Variants in RBFOX1 observed in about 807,000 individuals in gnomAD.
RBFOX1 encodes RNA binding protein fox-1 homolog 1.
Under a neutral mutation model 57.7 loss-of-function variants are expected in RBFOX1, and 8 were observed. The observed-to-expected ratio is 0.14, with a 90% CI of 0.08 to 0.25. The LOEUF (loss-of-function observed/expected upper bound fraction) is 0.25, where lower values mean the gene tolerates loss of function less well. Ranked by LOEUF, RBFOX1 falls within the 10% of genes least tolerant of loss-of-function variation. The probability of loss-of-function intolerance (pLI) is 1.00; values close to 1 mark genes in which losing one functional copy is unlikely to be tolerated. For synonymous variants in RBFOX1, 326 were observed against 222.4 expected (o/e 1.47, Z -4.15); for missense variants, 611 against 548.5 (o/e 1.11, Z -1.14).
chr16:6,161,899 T>C (rs1165274872), intron 1 of RBFOX1, among the ~76,000 whole-genome samples: 1 of 152,190 alleles, frequency 6.6e-6, no homozygotes. Flanking sequence ...GGTGTCAGAG[T>C]ACATGCTTTC....
chr16:5,661,881 G>A (rs578096647), intron 3 of RBFOX1, among the ~76,000 whole-genome samples: 1 of 152,154 alleles, frequency 6.6e-6, no homozygotes, highest in African/African-American at 2.4e-5. Context: ...CACCTCCTGG[G>A]GTCAAGCGAT....
intron 2 of RBFOX1, among the ~76,000 whole-genome samples, chr16:6,337,175 C>T (rs1386726877): frequency 6.6e-6 from 1 of 152,126 alleles, no homozygotes; most frequent in Non-Finnish European, 1.5e-5. Flanking sequence ...GAAATCCACC[C>T]ACCATGTGGC....
intron 1 of RBFOX1, among the ~76,000 whole-genome samples, chr16:5,292,147 G>C (rs2063550930): frequency 6.6e-6 from 1 of 152,164 alleles, no homozygotes; most frequent in African/African-American, 2.4e-5. Flanking sequence ...AAATTAATCT[G>C]CATTGCTGGG....
intron 4 of RBFOX1, among the ~76,000 whole-genome samples, chr16:7,236,315 T>C (rs1397121325): frequency 2.0e-5 from 3 of 152,190 alleles, no homozygotes; most frequent in Non-Finnish European, 2.9e-5. Context: ...TCAGCTCAAG[T>C]TAGGGAGAGA....
At chr16:6,230,223 C>G (rs1339966998) in intron 1 of RBFOX1, among the ~76,000 whole-genome samples, 2 of 152,060 alleles carry the variant, frequency 1.3e-5, no homozygotes, top group Non-Finnish European at 2.9e-5. Context: ...ATGAGTTGAT[C>G]TTTTAATTTT....
chr16:7,501,882 G>C (rs2071012130), intron 4 of RBFOX1, among the ~76,000 whole-genome samples: 2 of 152,144 alleles, frequency 1.3e-5, no homozygotes, highest in South Asian at 2.1e-4. Flanking sequence ...TGTAGCTATA[G>C]AGGTACCTGG....
intron 3 of RBFOX1, among the ~76,000 whole-genome samples, chr16:6,932,635 C>G (rs545608337): frequency 1.3e-5 from 2 of 152,158 alleles, no homozygotes; most frequent in African/African-American, 2.4e-5. Context: ...ACATCTAGCC[C>G]CAGGCATCTT....
Position 6,257,946 on chromosome 16 carries a change from G to A in RBFOX1, c.-126-59049G>A, listed in dbSNP as rs112394441. Among the ~76,000 whole-genome samples, 289 of 152,164 alleles carry A rather than the reference G, an allele frequency of 1.9e-3. 3 individuals carry two copies. Among genetic ancestry groups the A allele is most frequent in the African/African-American group, 6.5e-3 (269 of 41,528 alleles). On this transcript the variant is annotated intron_variant, in intron 1 of 15. Coordinates refer to ENST00000550418, the MANE Select transcript of RBFOX1 (RefSeq NM_018723.4). ...TTCCTTTCGGTATATCCCCAGTAAT[G>A]GGATTGCTGAGTCAGATGGTAGTTC... is the stretch of plus-strand genomic sequence containing the variant.
chr16:7,462,428 T>C (rs1202126020), intron 4 of RBFOX1, among the ~76,000 whole-genome samples: 2 of 152,128 alleles, frequency 1.3e-5, no homozygotes, highest in South Asian at 2.1e-4. Context: ...GAGGCAGAGA[T>C]TGCAGTGAGC....
intron 4 of RBFOX1, among the ~76,000 whole-genome samples, chr16:5,916,924 C>T (rs1215162402): frequency 6.6e-6 from 1 of 152,110 alleles, no homozygotes; most frequent in African/African-American, 2.4e-5. Context: ...CTGAATTCAG[C>T]TGTGCGCAGG....
At chr16:6,808,065 C>CTA (rs1005071336) in intron 3 of RBFOX1, among the ~76,000 whole-genome samples, 1 of 147,868 alleles carries the variant, frequency 6.8e-6, no homozygotes, top group Non-Finnish European at 1.5e-5. Flanking sequence ...TACAATAGAA[C>CTA]TATATATATA....
At chr16:7,293,383 A>G (rs1341932581) in intron 4 of RBFOX1, among the ~76,000 whole-genome samples, 1 of 152,128 alleles carries the variant, frequency 6.6e-6, no homozygotes, top group Non-Finnish European at 1.5e-5. Context: ...AGAACCAATC[A>G]CCCATGGATA....
intron 2 of RBFOX1, among the ~76,000 whole-genome samples, chr16:5,540,937 C>T (rs973172759): frequency 6.6e-6 from 1 of 151,698 alleles, no homozygotes; most frequent in African/African-American, 2.4e-5. Flanking sequence ...GCAACCTCCA[C>T]CTCCCTGGTT....
At chr16:7,339,896 G>T (rs564717653) in intron 4 of RBFOX1, among the ~76,000 whole-genome samples, 3 of 152,238 alleles carry the variant, frequency 2.0e-5, no homozygotes, top group African/African-American at 7.2e-5. Context: ...CCTCTCCACA[G>T]TGGTTATCTC....
chr16:6,736,822 G>C (rs1215263744), intron 3 of RBFOX1, among the ~76,000 whole-genome samples: 1 of 152,142 alleles, frequency 6.6e-6, no homozygotes, highest in African/African-American at 2.4e-5. Flanking sequence ...TCATACATCT[G>C]AATTCCAGAT....
chr16:7,268,026 C>G (rs1029720286), intron 4 of RBFOX1, among the ~76,000 whole-genome samples: 1 of 152,160 alleles, frequency 6.6e-6, no homozygotes, highest in East Asian at 1.9e-4. Context: ...GATGCTGTAG[C>G]CTACGACACA....
chr16:6,785,719 A>G (rs746065816), intron 3 of RBFOX1, among the ~76,000 whole-genome samples: 1 of 152,242 alleles, frequency 6.6e-6, no homozygotes, highest in Non-Finnish European at 1.5e-5. Context: ...GTTTAATATC[A>G]TATGAATATG....
chr16:7,561,981 G>C (rs138958981), intron 5 of RBFOX1, among the ~76,000 whole-genome samples: 145 of 152,052 alleles, frequency 9.5e-4, no homozygotes, highest in Middle Eastern at 3.4e-3. Flanking sequence ...GAGTGGGACA[G>C]GTAATTAAAG....
At chr16:7,665,138 G>A (rs1476999448) in intron 13 of RBFOX1, among the ~76,000 whole-genome samples, 170 bp downstream of exon 13, 1 of 152,094 alleles carries the variant, frequency 6.6e-6, no homozygotes, top group Admixed American at 6.5e-5. Flanking sequence ...TCTTGAACTT[G>A]TGGCAGACAT....
Sources: gnomAD v4.1 joint callset for allele counts (sites outside exome capture counted in the v4.1 genomes callset) on GRCh38, gnomAD v4.1.1 for gene constraint, MANE v1.5 for transcripts, NCBI Gene and HGNC (gene_info 2026-07-23, HGNC 2026-07-21) for gene names.